ABL1: variants seen among roughly 807,000 people sequenced by gnomAD.
ABL1 encodes ABL proto-oncogene 1, non-receptor tyrosine kinase.
Under a neutral mutation model 94.7 loss-of-function variants are expected in ABL1, and 11 were observed. That is an observed-to-expected ratio of 0.12 (90% CI 0.07 to 0.19). The LOEUF (loss-of-function observed/expected upper bound fraction) is 0.19, where lower values mean the gene tolerates loss of function less well. ABL1 is among the 10% of genes least tolerant of loss of function. The pLI is 1.00. For missense variants in ABL1, 1,082 were observed against 1,489.4 expected, an observed-to-expected ratio of 0.73 and a Z score of 4.50; for synonymous variants, 656 against 622.4, an observed-to-expected ratio of 1.05 and a Z score of -0.80.
At chr9:130,804,433 A>G (rs991237934) in intron 1 of ABL1, among the ~76,000 whole-genome samples, 38 of 152,122 alleles carry the variant, frequency 2.5e-4, no homozygotes, top group African/African-American at 8.9e-4. Context: ...CTAAAAATAC[A>G]AAATTAGTGG....
chr9:130,882,776 C>G (rs985377222), intron 10 of ABL1, among the ~76,000 whole-genome samples: 8 of 152,148 alleles, frequency 5.3e-5, no homozygotes, highest in Admixed American at 4.6e-4. Flanking sequence ...CCTCATGATC[C>G]GCCCACCTCA....
upstream of ABL1, chr9:130,834,808 C>T: frequency 2.2e-6 from 1 of 450,174 alleles, no homozygotes; most frequent in Non-Finnish European, 4.5e-6. Flanking sequence ...AATCACAGGA[C>T]GCGCGTTGAG....
At chr9:130,740,237 A>G (rs1318561144) in intron 1 of ABL1, among the ~76,000 whole-genome samples, 2 of 152,202 alleles carry the variant, frequency 1.3e-5, no homozygotes, top group Non-Finnish European at 2.9e-5. Flanking sequence ...TAAAGGCTGT[A>G]ATTAGGGGGA....
chr9:130,805,195 G>A (rs1185116947), intron 1 of ABL1, among the ~76,000 whole-genome samples: 3 of 152,184 alleles, frequency 2.0e-5, no homozygotes, highest in Non-Finnish European at 4.4e-5. Flanking sequence ...TCCTGCCTCA[G>A]CCTCCCGAGT....
chr9:130,819,508 A>C (rs1277236270), intron 1 of ABL1, among the ~76,000 whole-genome samples: 1 of 150,676 alleles, frequency 6.6e-6, no homozygotes, highest in Non-Finnish European at 1.5e-5. Flanking sequence ...CAGCCAAATG[A>C]GACCAGGAAG....
At position 130,835,381 on chromosome 9, in the gene ABL1, C is replaced by T. The variant is rs1266635231; in HGVS notation, c.-66C>T. ...GGGGGGGCGCGCGGGCCGAGCCGGG[C>T]CTGAGCCGGGCCCGCGGACCGAGCT... On this transcript the variant is annotated 5_prime_UTR_variant, in exon 1 of 11. Transcript: ENST00000318560. The surrounding 1 kb of genome is among the most constrained non-coding windows in gnomAD (Gnocchi z 4.6). 43 of 1,206,870 alleles carry T rather than the reference C, an allele frequency of 3.6e-5. No individual in the cohort carries two copies. The highest frequency in any genetic ancestry group is 4.5e-5 in the Non-Finnish European group (40 of 898,242). 74.8% of individuals were successfully genotyped at this position (1,206,870 alleles called of 1,614,324 possible).
At chr9:130,775,626 G>T (rs966235004) in intron 1 of ABL1, among the ~76,000 whole-genome samples, 5 of 151,812 alleles carry the variant, frequency 3.3e-5, no homozygotes, top group African/African-American at 1.2e-4. Flanking sequence ...AGAGAGAAAA[G>T]AAGTCAATAG....
chr9:130,837,580 C>T (rs1830608270), intron 1 of ABL1, among the ~76,000 whole-genome samples: 1 of 151,794 alleles, frequency 6.6e-6, no homozygotes, highest in African/African-American at 2.4e-5. Flanking sequence ...GTACAGCAGA[C>T]TGCCTTGGGT....
chr9:130,782,662 G>T (rs374695994), intron 1 of ABL1, among the ~76,000 whole-genome samples: 1 of 152,166 alleles, frequency 6.6e-6, no homozygotes, highest in Non-Finnish European at 1.5e-5. Context: ...GATATAATGC[G>T]CTGAAGGTCT....
At chr9:130,728,766 T>C (rs1478242391) in intron 1 of ABL1, among the ~76,000 whole-genome samples, 1 of 152,066 alleles carries the variant, frequency 6.6e-6, no homozygotes, top group Non-Finnish European at 1.5e-5. Flanking sequence ...TCTTTTCCTC[T>C]AAATCCTAGA....
At chr9:130,807,431 G>T (rs1335709248) in intron 1 of ABL1, among the ~76,000 whole-genome samples, 1 of 151,696 alleles carries the variant, frequency 6.6e-6, no homozygotes, top group African/African-American at 2.4e-5. Flanking sequence ...GTAGAGACGG[G>T]ATTTCACCGT....
At chr9:130,726,552 T>C (rs1358944911) in intron 1 of ABL1, among the ~76,000 whole-genome samples, 1 of 152,342 alleles carries the variant, frequency 6.6e-6, no homozygotes, top group East Asian at 1.9e-4. Context: ...TTACCAATTT[T>C]ATTAATCTTT....
At chr9:130,783,638 T>TTTTGTTTG (rs374215786) in intron 1 of ABL1, among the ~76,000 whole-genome samples, 4 of 151,972 alleles carry the variant, frequency 2.6e-5, no homozygotes, top group African/African-American at 4.8e-5. Context: ...TGCATGTGTT[T>TTTTGTTTG]TTTGTTTGTT....
chr9:130,760,731 C>T (rs370564096), intron 1 of ABL1, among the ~76,000 whole-genome samples: 6 of 150,894 alleles, frequency 4.0e-5, no homozygotes, highest in African/African-American at 9.8e-5. Context: ...GGCGCGATCT[C>T]GGCTCACTGC....
intron 3 of ABL1, among the ~76,000 whole-genome samples, chr9:130,856,492 G>A (rs1387231254): frequency 2.0e-5 from 3 of 152,242 alleles, no homozygotes; most frequent in South Asian, 4.1e-4. Flanking sequence ...AAAATGCTGG[G>A]ATTACAGGCA....
Position 130,885,404 on chromosome 9 carries a change from G to C in ABL1, c.3114G>C (p.Ala1038=). The C allele has an allele frequency of 6.2e-7, 1 of 1,613,596 alleles. No individual in the cohort carries two copies. The highest frequency in any genetic ancestry group is 8.5e-7 in the Non-Finnish European group (1 of 1,180,042). ...GCGTGGTCCTGGACAGCACCGAGGC[G>C]CTGTGCCTCGCCATCTCTAGGAACT... The part of the protein sequence containing the change: ...TKGVVLDSTE[A]LCLAISRNSE... The change falls in exon 11 of 11, where the codon GCG becomes GCC. Residue 1038 remains alanine (A), a synonymous_variant. Coordinates refer to ENST00000318560, the MANE Select transcript of ABL1 (RefSeq NM_005157.6).
chr9:130,830,167 G>A (rs1830477389), intron 1 of ABL1, among the ~76,000 whole-genome samples: 1 of 152,018 alleles, frequency 6.6e-6, no homozygotes, highest in Non-Finnish European at 1.5e-5. Flanking sequence ...TCTCCTTCTA[G>A]AGAAAAATGT....
intron 1 of ABL1, among the ~76,000 whole-genome samples, chr9:130,752,674 G>T (rs1423233691): frequency 6.6e-6 from 1 of 152,044 alleles, no homozygotes. Flanking sequence ...AATACCCCTT[G>T]GTGGCTGGGT....
rs760134245 is a variant in ABL1, at chr9:130,885,063, G to A, written c.2773G>A (p.Glu925Lys). The A allele has an allele frequency of 6.2e-7, 1 of 1,609,994 alleles. No individual in the cohort carries two copies. The highest frequency in any genetic ancestry group is 2.2e-5 in the East Asian group (1 of 44,800). Residue 925 changes from glutamate to lysine, a missense_variant, in exon 11 of 11, where the codon GAG (glutamate) becomes AAG (lysine). Around this residue, in one of 7 missense-constraint regions of ABL1, gnomAD observed 780 missense variants for 835.8 expected, o/e 0.93. Coordinates refer to ENST00000318560, the MANE Select transcript of ABL1 (RefSeq NM_005157.6). ...SQSPSQEAAG[E>K]AVLGAKTKAT... The stretch of plus-strand genomic sequence containing the variant: ...GAGCCCGAGCCAGGAGGCGGCCGGG[G>A]AGGCAGTCCTGGGCGCAAAGACAAA...
Sources: gnomAD v4.1 joint callset for allele counts (sites outside exome capture counted in the v4.1 genomes callset) on GRCh38, gnomAD v4.1.1 for gene constraint, gnomAD v4.1.1 regional missense constraint, Gnocchi (gnomAD v3.1) non-coding constraint, MANE v1.5 for transcripts, NCBI Gene and HGNC (gene_info 2026-07-23, HGNC 2026-07-21) for gene names.